DZIP1L: variants seen among roughly 807,000 people sequenced by gnomAD.
DZIP1L encodes DAZ interacting zinc finger protein 1 like, also known as cilium assembly protein DZIP1L.
DZIP1L carries 90 observed loss-of-function variants against 88.7 expected under a neutral mutation model. The observed-to-expected ratio is 1.02, with a 90% confidence interval of 0.86 to 1.21. The LOEUF (loss-of-function observed/expected upper bound fraction) is 1.21. Among genes scored for constraint, DZIP1L ranks in the 50% most tolerant of loss-of-function variants. DZIP1L has a pLI of 0.00. For synonymous variants in DZIP1L, 363 were observed against 372.1 expected (o/e 0.98, Z 0.28); for missense variants, 932 against 955.8 (o/e 0.98, Z 0.33).
intron 2 of DZIP1L, chr3:138,101,880 G>T: frequency 7.1e-7 from 1 of 1,410,274 alleles, no homozygotes; most frequent in Non-Finnish European, 1.0e-6. Context: ...CGGACAGCTT[G>T]GCGTTGGCAT....
intron 8 of DZIP1L, among the ~76,000 whole-genome samples, chr3:138,083,355 G>C (rs1379728321): frequency 1.3e-5 from 2 of 152,222 alleles, no homozygotes; most frequent in Non-Finnish European, 2.9e-5. Flanking sequence ...GCCAGGACTA[G>C]ACAGTAACAG....
In DZIP1L at chr3:138,103,455, G is replaced by C. The variant is rs776567023; in HGVS notation, c.501+16C>G. On this transcript the variant is annotated intron_variant, in intron 2 of 15. Coordinates refer to ENST00000327532, the MANE Select transcript of DZIP1L (RefSeq NM_173543.3). ...CACAGCCCTCCCACTCTCCCTGCCT[G>C]GTGGAGATTCCTCACCGTGTGGTAG... The C allele has an allele frequency of 6.3e-7, 1 of 1,583,626 alleles. No homozygotes were observed. The highest frequency in any genetic ancestry group is 1.1e-5 in the South Asian group (1 of 86,984).
intron 11 of DZIP1L, among the ~76,000 whole-genome samples, chr3:138,072,073 T>C (rs1478242377): frequency 6.6e-6 from 1 of 152,208 alleles, no homozygotes; most frequent in African/African-American, 2.4e-5. Context: ...AGCAGGATAA[T>C]GCAAAGGACT....
At chr3:138,102,778 C>A in intron 2 of DZIP1L, 2 of 762,024 alleles carry the variant, frequency 2.6e-6, no homozygotes, top group East Asian at 2.5e-5. Flanking sequence ...CAGGTCACCC[C>A]GGAAGCTGCT....
Position 138,094,874 on chromosome 3 carries a change from C to T in DZIP1L, c.696G>A (p.Gln232=), listed in dbSNP as rs374192707. 2 of 1,614,270 alleles carry T rather than the reference C, an allele frequency of 1.2e-6. No individual in the cohort carries two copies. The highest frequency in any genetic ancestry group is 1.3e-5 in the African/African-American group (1 of 75,070). The change falls in exon 4 of 16, where the codon CAG becomes CAA. Residue 232 remains glutamine (Q), a synonymous_variant. Coordinates refer to ENST00000327532, the MANE Select transcript of DZIP1L (RefSeq NM_173543.3). Reference sequence around the variant, plus strand: ...TCTCCCTGCCCACCTGGAGCTGCCGCTGCCTCTCCGCCTCCCTCTGGGCTT... The same window carrying T: ...TCTCCCTGCCCACCTGGAGCTGCCGTTGCCTCTCCGCCTCCCTCTGGGCTT... ...ELEAQREAER[Q]RQLQEAELIH...
chr3:138,105,676 C>T (rs986024524), intron 1 of DZIP1L, among the ~76,000 whole-genome samples: 5 of 151,296 alleles, frequency 3.3e-5, no homozygotes, highest in African/African-American at 9.7e-5. Flanking sequence ...ATTTTTGATC[C>T]GCAGTTTGTT....
chr3:138,114,583 G>A (rs2042663170), intron 1 of DZIP1L, among the ~76,000 whole-genome samples: 1 of 152,136 alleles, frequency 6.6e-6, no homozygotes, highest in African/African-American at 2.4e-5. Flanking sequence ...ATCTGCAGAT[G>A]AGGGTGTGAG....
chr3:138,109,389 C>T (rs538498796), intron 1 of DZIP1L, among the ~76,000 whole-genome samples: 14 of 152,300 alleles, frequency 9.2e-5, no homozygotes, highest in African/African-American at 3.4e-4. Context: ...TGGCTCCAGT[C>T]TGGGCTAGCC....
chr3:138,077,335 G>A (rs553469328), intron 11 of DZIP1L, among the ~76,000 whole-genome samples, 164 bp downstream of exon 11: 13 of 152,294 alleles, frequency 8.5e-5, no homozygotes, highest in African/African-American at 2.9e-4. Context: ...TCACACTGCC[G>A]CTGTGAAGTG....
intron 1 of DZIP1L, among the ~76,000 whole-genome samples, chr3:138,110,417 G>A (rs747222672): frequency 1.4e-4 from 22 of 151,988 alleles, no homozygotes; most frequent in Non-Finnish European, 2.8e-4. Context: ...AAACCTGCAC[G>A]TTGTGCACAG....
intron 2 of DZIP1L, among the ~76,000 whole-genome samples, chr3:138,100,063 CGATTA>C (rs2107834068): frequency 6.6e-6 from 1 of 150,884 alleles, no homozygotes; most frequent in Admixed American, 6.6e-5. Context: ...GCTCTCATTA[CGATTA>C]AGATGCCGGG....
rs568431718 is a variant in DZIP1L, at chr3:138,104,108, G to A, written c.-81-56C>T. The A allele has an allele frequency of 6.3e-6, 9 of 1,438,782 alleles. No individual in the cohort carries two copies. The East Asian group carries it at 1.5e-4, about 23-fold the overall frequency. The allele number at this position is 1,438,782 out of a possible 1,614,324, so 89.1% of individuals were successfully genotyped here. On this transcript the variant is annotated intron_variant, in intron 1 of 15. Transcript: ENST00000327532. ...TGAGGTGTGTGTGGCTGCACCTACTGTATATCTGGCCAGCAAGGGCCTAAG... is the reference window on the plus strand; with the variant it reads ...TGAGGTGTGTGTGGCTGCACCTACTATATATCTGGCCAGCAAGGGCCTAAG...
rs115447973 is a variant in DZIP1L, at chr3:138,094,093, A to C, written c.708+769T>G. Among the ~76,000 whole-genome samples the C allele has an allele frequency of 8.2e-3, 1,251 of 152,350 alleles. 18 individuals are homozygous for C. Among genetic ancestry groups the C allele is most frequent in the African/African-American group, 0.028 (1,178 of 41,570 alleles). On this transcript the variant is annotated intron_variant, in intron 4 of 15. Transcript: ENST00000327532. Reference sequence around the variant, plus strand: ...TTTGATTTAAAGTGAGAGATGTTTAAGTTTGCCATCTTATATGAATAGTTT... The same window carrying C: ...TTTGATTTAAAGTGAGAGATGTTTACGTTTGCCATCTTATATGAATAGTTT...
chr3:138,067,799 G>A, intron 13 of DZIP1L, 99 bp from the exon 14 acceptor site: 2 of 1,360,108 alleles, frequency 1.5e-6, no homozygotes, highest in Non-Finnish European at 1.9e-6. Flanking sequence ...GTTTGCTCAG[G>A]GCCAGCCCTG....
intron 5 of DZIP1L, chr3:138,088,957 G>A: frequency 1.0e-6 from 1 of 985,814 alleles, no homozygotes; most frequent in Non-Finnish European, 1.2e-6. Context: ...TGCACAGCTT[G>A]AAGTAGAGTC....
chr3:138,066,664 C>A (rs1244285396), intron 14 of DZIP1L, among the ~76,000 whole-genome samples: 1 of 152,036 alleles, frequency 6.6e-6, no homozygotes, highest in Non-Finnish European at 1.5e-5. Flanking sequence ...CAGAGCTGAG[C>A]ACGCGGTGAG....
intron 1 of DZIP1L, among the ~76,000 whole-genome samples, chr3:138,111,057 T>G (rs770348111): frequency 6.6e-6 from 1 of 152,072 alleles, no homozygotes; most frequent in Non-Finnish European, 1.5e-5. Flanking sequence ...TGCTTCTGTC[T>G]CCTTCCTCCC....
intron 12 of DZIP1L, among the ~76,000 whole-genome samples, chr3:138,070,008 C>T (rs1943103893): frequency 6.6e-6 from 1 of 152,182 alleles, no homozygotes; most frequent in Non-Finnish European, 1.5e-5. Flanking sequence ...TCCCTCCTGG[C>T]TTTTTTACTA....
At chr3:138,064,960 G>A (rs1384162050) in intron 14 of DZIP1L, among the ~76,000 whole-genome samples, 193 bp from the exon 15 acceptor site, 3 of 152,218 alleles carry the variant, frequency 2.0e-5, no homozygotes, top group African/African-American at 7.2e-5. Flanking sequence ...CAGAGGCTTG[G>A]CATATTCTGA....
Sources: allele counts gnomAD v4.1 joint callset (sites outside exome capture counted in the v4.1 genomes callset), GRCh38; gene constraint gnomAD v4.1.1; transcripts MANE v1.5; gene names NCBI Gene and HGNC (gene_info 2026-07-23, HGNC 2026-07-21).